Variants in PRKCH observed in about 807,000 individuals in gnomAD.
The protein encoded by PRKCH is protein kinase C eta, also known as protein kinase C eta type.
Under a neutral mutation model 82.5 loss-of-function variants are expected in PRKCH, and 28 were observed. The observed-to-expected ratio is 0.34, with a 90% CI of 0.25 to 0.47. The LOEUF (loss-of-function observed/expected upper bound fraction) is 0.47, where lower values mean the gene tolerates loss of function less well. Ranked by LOEUF, PRKCH falls within the 20% of genes least tolerant of loss-of-function variation. The pLI is 1.00. For missense variants in PRKCH, 705 were observed against 881.8 expected (o/e 0.80, Z 2.54); for synonymous variants, 322 against 327.4 (o/e 0.98, Z 0.18).
intron 1 of PRKCH, among the ~76,000 whole-genome samples, chr14:61,200,049 A>C (rs2140037937): frequency 6.6e-6 from 1 of 152,338 alleles, no homozygotes; most frequent in Non-Finnish European, 1.5e-5. Flanking sequence ...ATCCCTTTAA[A>C]TGTATTAACA....
chr14:61,288,237 C>T (rs1001710108), intron 1 of PRKCH, among the ~76,000 whole-genome samples: 6 of 151,546 alleles, frequency 4.0e-5, no homozygotes, highest in Admixed American at 6.6e-5. Flanking sequence ...CCAGAACCAC[C>T]GGAAAAAAAA....
chr14:61,506,095 A>G (rs933364127), intron 10 of PRKCH, among the ~76,000 whole-genome samples: 2 of 152,098 alleles, frequency 1.3e-5, no homozygotes, highest in South Asian at 2.1e-4. Context: ...CTTACATTTC[A>G]ATAGGTCCCC....
chr14:61,308,522 A>T (rs2045498538), intron 1 of PRKCH, among the ~76,000 whole-genome samples: 1 of 152,118 alleles, frequency 6.6e-6, no homozygotes, highest in African/African-American at 2.4e-5. Flanking sequence ...TGAGCTTATC[A>T]TCTGCCTTTA....
In PRKCH at chr14:61,249,811, G is replaced by T. The variant is rs1402519491; in HGVS notation, c.-19+62143G>T. 4.0e-5 allele frequency among the ~76,000 whole-genome samples: 6 copies of T among 151,510 alleles called. No homozygotes were observed. In the East Asian group the frequency reaches 1.2e-3, roughly 30 times the overall value. ...AATTTTTGTATTTTTAGTAGAGATG[G>T]GGTTTCACCATGTTGGTCAGGCTGG... On this transcript the variant is annotated intron_variant, in intron 1 of 3. Transcript: ENST00000555185.
At chr14:61,269,565 T>C (rs2045134311) in intron 1 of PRKCH, among the ~76,000 whole-genome samples, 1 of 152,166 alleles carries the variant, frequency 6.6e-6, no homozygotes, top group South Asian at 2.1e-4. Context: ...CCTCTATGCG[T>C]CCATGTGTTC....
In PRKCH at chr14:61,549,896, C is replaced by T. The variant is rs941241297; in HGVS notation, c.*65C>T. 7 of 1,536,414 alleles carry T rather than the reference C, an allele frequency of 4.6e-6. No homozygotes were observed. The African/African-American group carries it at 6.9e-5, about 15-fold the overall frequency. On this transcript the variant is annotated 3_prime_UTR_variant, in exon 14 of 14. Coordinates refer to ENST00000332981, the MANE Select transcript of PRKCH (RefSeq NM_006255.5). ...GGAATAGAGATTCTCCAGGAATTTC[C>T]TCTATGGGACCTTCCCAGCATCAGC...
At chr14:61,400,382 A>C (rs1881545716) in intron 2 of PRKCH, among the ~76,000 whole-genome samples, 1 of 152,224 alleles carries the variant, frequency 6.6e-6, no homozygotes, top group African/African-American at 2.4e-5. Flanking sequence ...AGCTTTAAAA[A>C]AATTTATTCT....
chr14:61,435,141 C>T (rs1252061659), intron 2 of PRKCH, among the ~76,000 whole-genome samples: 1 of 152,180 alleles, frequency 6.6e-6, no homozygotes, highest in African/African-American at 2.4e-5. Flanking sequence ...CGACAGGAAT[C>T]GAGCCTCAGT....
intron 1 of PRKCH, among the ~76,000 whole-genome samples, chr14:61,250,261 A>G (rs1215053077): frequency 6.6e-6 from 1 of 151,320 alleles, no homozygotes; most frequent in African/African-American, 2.4e-5. Flanking sequence ...AAATAAATAA[A>G]TAAATAAATA....
chr14:61,430,166 AACAG>A (rs768670907), intron 2 of PRKCH, among the ~76,000 whole-genome samples: 2 of 152,240 alleles, frequency 1.3e-5, no homozygotes, highest in East Asian at 3.8e-4. Context: ...AAAAGATTTG[AACAG>A]ACATTTTCTC....
At chr14:61,263,457 T>G (rs2045068408) in intron 1 of PRKCH, among the ~76,000 whole-genome samples, 1 of 149,878 alleles carries the variant, frequency 6.7e-6, no homozygotes, top group East Asian at 1.9e-4. Context: ...ACTATCCACA[T>G]TTATGGAAGA....
chr14:61,235,608 C>A (rs2044781160), intron 1 of PRKCH, among the ~76,000 whole-genome samples: 1 of 152,202 alleles, frequency 6.6e-6, no homozygotes, highest in Non-Finnish European at 1.5e-5. Flanking sequence ...CAGTCAGATA[C>A]AATGGCCATC....
In PRKCH at chr14:61,280,302, G is replaced by C. The variant is rs756799817; in HGVS notation, c.-19+92634G>C. The C allele has an allele frequency of 7.4e-6, 12 of 1,613,692 alleles. No individual in the cohort carries two copies. In the African/African-American group the frequency reaches 1.2e-4, roughly 16 times the overall value. On this transcript the variant is annotated intron_variant, in intron 1 of 3. Transcript: ENST00000555185. The surrounding 1 kb of genome is among the most constrained non-coding windows in gnomAD (Gnocchi z 5.0). ...AGTTGTAGGTGATGTTGACGCGGTAGGCGCCCCGCGGCAGCCCGGCCGAGT... is the reference window on the plus strand; with the variant it reads ...AGTTGTAGGTGATGTTGACGCGGTACGCGCCCCGCGGCAGCCCGGCCGAGT...
chr14:61,271,706 T>A (rs1430253707), intron 1 of PRKCH, among the ~76,000 whole-genome samples: 1 of 152,160 alleles, frequency 6.6e-6, no homozygotes, highest in East Asian at 1.9e-4. Flanking sequence ...GAGTACAATG[T>A]GATAGGCAAA....
At chr14:61,358,835 C>T (rs1017085064) in intron 1 of PRKCH, among the ~76,000 whole-genome samples, 1 of 152,108 alleles carries the variant, frequency 6.6e-6, no homozygotes, top group Non-Finnish European at 1.5e-5. Flanking sequence ...GGCTCTTTCC[C>T]ACCTTTGTTA....
At chr14:61,299,634 T>G (rs550214189) in intron 1 of PRKCH, 1 of 152,320 alleles carries the variant, frequency 6.6e-6, no homozygotes, top group African/African-American at 2.4e-5. Context: ...CATACCTGAT[T>G]AGCTATCTAC....
chr14:61,209,409 T>C (rs1167738158), intron 1 of PRKCH, among the ~76,000 whole-genome samples: 2 of 151,784 alleles, frequency 1.3e-5, no homozygotes, highest in Middle Eastern at 3.2e-3. Flanking sequence ...GGATTCCAGC[T>C]TCCAGAACGG....
intron 1 of PRKCH, among the ~76,000 whole-genome samples, chr14:61,311,916 G>T (rs897052375): frequency 2.0e-5 from 3 of 152,100 alleles, no homozygotes; most frequent in African/African-American, 7.2e-5. Context: ...AGGAGAAAGA[G>T]CCCCTTATAA....
chr14:61,483,174 G>A (rs998375982), intron 9 of PRKCH, among the ~76,000 whole-genome samples: 1 of 152,230 alleles, frequency 6.6e-6, no homozygotes, highest in African/African-American at 2.4e-5. Flanking sequence ...TACAGCATTG[G>A]CATAAAACCT....
Sources: gnomAD v4.1 joint callset for allele counts (sites outside exome capture counted in the v4.1 genomes callset) on GRCh38, gnomAD v4.1.1 for gene constraint, Gnocchi (gnomAD v3.1) non-coding constraint, MANE v1.5 for transcripts, NCBI Gene and HGNC (gene_info 2026-07-23, HGNC 2026-07-21) for gene names.